Variants in FAM222B observed in about 807,000 individuals in gnomAD.
FAM222B encodes family with sequence similarity 222 member B, also known as protein FAM222B.
In FAM222B, 12 loss-of-function variants were observed where a neutral mutation model predicts 38.0. That is an observed-to-expected ratio of 0.32 (90% CI 0.20 to 0.51). FAM222B has a LOEUF of 0.51. Ranked by LOEUF, FAM222B falls within the 20% of genes least tolerant of loss-of-function variation. The pLI is 0.97. For missense variants in FAM222B, 716 were observed against 754.2 expected (o/e 0.95, Z 0.59); for synonymous variants, 329 against 317.2 (o/e 1.04, Z -0.40).
At chr17:28,829,898 G>C (rs192659910) in intron 1 of FAM222B, among the ~76,000 whole-genome samples, 11 of 151,638 alleles carry the variant, frequency 7.3e-5, no homozygotes, top group African/African-American at 2.2e-4. Context: ...AGCTGGAGTT[G>C]GAGTGCAGTG....
chr17:28,759,931 C>A lies in FAM222B; in HGVS notation c.83-55G>T. 3 of 1,451,208 alleles carry A rather than the reference C, an allele frequency of 2.1e-6. No homozygotes were observed. The highest frequency in any genetic ancestry group is 2.9e-5 in the South Asian group (2 of 69,816). The allele number at this position is 1,451,208 out of a possible 1,614,324, so 89.9% of individuals were successfully genotyped here. A position where few individuals can be genotyped will look rare whatever the true frequency, so the allele number is the denominator to read the frequency against. On this transcript the variant is annotated intron_variant, in intron 2 of 2. Transcript: ENST00000581407. The surrounding 1 kb of genome is among the most constrained non-coding windows in gnomAD (Gnocchi z 4.8). ...AGAGGGAGAGGGAGCTCATCAGTGC[C>A]AAGGCAAACAGCCCTTCCAGATTCC...
intron 1 of FAM222B, among the ~76,000 whole-genome samples, chr17:28,851,864 A>T (rs1177807274): frequency 7.5e-6 from 1 of 133,236 alleles, no homozygotes; most frequent in Non-Finnish European, 1.6e-5. Context: ...AATGAGAAAG[A>T]CTCCATCTCA....
upstream of FAM222B, among the ~76,000 whole-genome samples, chr17:28,843,196 T>C (rs1326412402): frequency 1.3e-5 from 2 of 151,312 alleles, no homozygotes; most frequent in African/African-American, 4.9e-5. Context: ...TGGAGTGCAA[T>C]GGCGTGATCT....
In FAM222B at chr17:28,757,473, G is replaced by A. The variant is rs1188782115; in HGVS notation, c.*797C>T. ...AAGGTAGATTTTGTTTTTGTTGAGG[G>A]GGAAAGGATAGGGGCTGTGGGGAGG... On this transcript the variant is annotated 3_prime_UTR_variant, in exon 3 of 3. Coordinates refer to ENST00000581407, the MANE Select transcript of FAM222B (RefSeq NM_001077498.3). The A allele has an allele frequency of 6.6e-6, 1 of 152,014 alleles. No individual in the cohort carries two copies. Among genetic ancestry groups the A allele is most frequent in the African/African-American group, 2.4e-5 (1 of 41,380 alleles). The allele number at this position is 152,014 out of a possible 1,614,324, so 9.4% of individuals were successfully genotyped here.
chr17:28,790,377 C>A (rs1262351253), intron 1 of FAM222B: 1 of 152,148 alleles, frequency 6.6e-6, no homozygotes, highest in Non-Finnish European at 1.5e-5. Context: ...AAATTCTGTA[C>A]CTTTTGAAAT....
At chr17:28,774,886 G>A (rs2035808668) in intron 1 of FAM222B, among the ~76,000 whole-genome samples, 1 of 151,698 alleles carries the variant, frequency 6.6e-6, no homozygotes, top group Non-Finnish European at 1.5e-5. Flanking sequence ...AGGGTGCAGT[G>A]AGCTGAGATG....
At chr17:28,772,266 G>A (rs1166686695) in intron 1 of FAM222B, among the ~76,000 whole-genome samples, 4 of 151,834 alleles carry the variant, frequency 2.6e-5, no homozygotes, top group Non-Finnish European at 4.4e-5. Context: ...TCCTTCTTCA[G>A]GGAACTTTAT....
At chr17:28,799,336 C>T (rs1360740749) in intron 1 of FAM222B, among the ~76,000 whole-genome samples, 4 of 129,250 alleles carry the variant, frequency 3.1e-5, no homozygotes, top group African/African-American at 1.2e-4. Context: ...CTCGGTCTGT[C>T]GCCCAAGCTG....
At chr17:28,823,421 T>C (rs1469186187) in intron 1 of FAM222B, among the ~76,000 whole-genome samples, 5 of 151,344 alleles carry the variant, frequency 3.3e-5, no homozygotes, top group Non-Finnish European at 5.9e-5. Flanking sequence ...AGTGGTGCAA[T>C]TAGGCCGGAG....
At chr17:28,842,881 C>T (rs2039100142), upstream of FAM222B, 1 of 152,424 alleles carries the variant, frequency 6.6e-6, no homozygotes, top group Admixed American at 6.5e-5. Context: ...GGGGCGTCTT[C>T]CTCAGTGCCT....
At chr17:28,794,554 T>C (rs1278058758) in intron 1 of FAM222B, among the ~76,000 whole-genome samples, 1 of 152,042 alleles carries the variant, frequency 6.6e-6, no homozygotes, top group East Asian at 1.9e-4. Context: ...AGATTTTGCT[T>C]ATACCCACAA....
chr17:28,828,056 TGTCGGATAAGGGGTAAGGAGAAATCAA>T (rs1471381399), intron 1 of FAM222B, among the ~76,000 whole-genome samples: 11 of 150,828 alleles, frequency 7.3e-5, no homozygotes, highest in African/African-American at 2.7e-4. Context: ...CAACCAGATA[TGTCGGATAAGGGGTAAGGAGAAATCAA>T]GATCAAATCC....
intron 1 of FAM222B, among the ~76,000 whole-genome samples, chr17:28,848,112 C>G (rs1031468569): frequency 6.6e-6 from 1 of 151,930 alleles, no homozygotes; most frequent in Non-Finnish European, 1.5e-5. Flanking sequence ...TGTTCAGGAG[C>G]GAATAAATGA....
At chr17:28,830,986 G>GT (rs2038647550) in intron 1 of FAM222B, among the ~76,000 whole-genome samples, 1 of 126,568 alleles carries the variant, frequency 7.9e-6, no homozygotes, top group African/African-American at 2.8e-5. Context: ...TAGTGTGAAT[G>GT]TTTCTTTTTT....
Position 28,758,110 on chromosome 17 carries a change from C to A in FAM222B, c.*160G>T. 1.6e-6 allele frequency: 1 copy of A among 628,374 alleles called. No individual in the cohort carries two copies. Among genetic ancestry groups the A allele is most frequent in the South Asian group, 2.7e-5 (1 of 36,562 alleles). 38.9% of individuals were successfully genotyped at this position (628,374 alleles called of 1,614,324 possible). On this transcript the variant is annotated 3_prime_UTR_variant, in exon 3 of 3. Transcript: ENST00000581407. ...GTTGCTGGAGGGGAGGACGAGAGGA[C>A]CCCTTCTGTCCCCACTTAGATCCCA...
intron 1 of FAM222B, among the ~76,000 whole-genome samples, chr17:28,852,512 G>A (rs1011998406): frequency 3.3e-5 from 5 of 151,686 alleles, no homozygotes; most frequent in Admixed American, 1.3e-4. Context: ...GTGGTGGCCC[G>A]CATCTGTAGT....
At chr17:28,843,384 A>C (rs1598066657), upstream of FAM222B, among the ~76,000 whole-genome samples, 1 of 134,528 alleles carries the variant, frequency 7.4e-6, no homozygotes, top group Non-Finnish European at 1.6e-5. Flanking sequence ...TGATCCACCC[A>C]CCTCAGCCTT....
intron 1 of FAM222B, among the ~76,000 whole-genome samples, chr17:28,800,737 G>T (rs931776120): frequency 2.6e-5 from 4 of 151,268 alleles, no homozygotes; most frequent in African/African-American, 9.7e-5. Flanking sequence ...ACTAAATATA[G>T]GCCAAATATT....
At chr17:28,810,158 A>C (rs1021035794) in intron 1 of FAM222B, among the ~76,000 whole-genome samples, 1 of 151,742 alleles carries the variant, frequency 6.6e-6, no homozygotes, top group African/African-American at 2.4e-5. Context: ...CACCACGCCC[A>C]GCTAATTTTT....
Sources: gnomAD v4.1 joint callset for allele counts (sites outside exome capture counted in the v4.1 genomes callset) on GRCh38, gnomAD v4.1.1 for gene constraint, Gnocchi (gnomAD v3.1) non-coding constraint, MANE v1.5 for transcripts, NCBI Gene and HGNC (gene_info 2026-07-23, HGNC 2026-07-21) for gene names.